PTPRD: variants seen among roughly 807,000 people sequenced by gnomAD.
PTPRD encodes the protein receptor-type tyrosine-protein phosphatase delta.
In PTPRD, 34 loss-of-function variants were observed where a neutral mutation model predicts 214.5. The ratio of observed to expected loss-of-function variants is 0.16; its 90% CI spans 0.12 to 0.21. The LOEUF (loss-of-function observed/expected upper bound fraction) is 0.21. Among genes scored for constraint, PTPRD ranks in the 10% least tolerant of loss-of-function variants. The pLI, the probability that PTPRD is intolerant of heterozygous loss-of-function variation, is 1.00. For synonymous variants in PTPRD, 1,128 were observed against 845.7 expected (o/e 1.33, Z -5.79); for missense variants, 2,545 against 2,398.7 (o/e 1.06, Z -1.27).
intron 8 of PTPRD, among the ~76,000 whole-genome samples, chr9:9,561,237 C>T (rs376219208): frequency 6.6e-6 from 1 of 152,158 alleles, no homozygotes; most frequent in African/African-American, 2.4e-5. Flanking sequence ...CTACCCCTGA[C>T]TAAAGCACAG....
intron 35 of PTPRD, among the ~76,000 whole-genome samples, chr9:8,420,544 G>A (rs2094282110): frequency 6.6e-6 from 1 of 152,130 alleles, no homozygotes; most frequent in Admixed American, 6.5e-5. Context: ...ACAATTGGTT[G>A]CTGTGGGAAT....
chr9:9,893,193 T>C (rs2073953034), intron 5 of PTPRD, among the ~76,000 whole-genome samples: 1 of 152,034 alleles, frequency 6.6e-6, no homozygotes, highest in South Asian at 2.1e-4. Flanking sequence ...CACAGACTAG[T>C]GACACTACAA....
chr9:9,046,054 T>C (rs1053249948), intron 10 of PTPRD, among the ~76,000 whole-genome samples: 81 of 152,172 alleles, frequency 5.3e-4, no homozygotes, highest in African/African-American at 1.9e-3. Flanking sequence ...GACAAAGATA[T>C]AATTATCTTA....
intron 9 of PTPRD, among the ~76,000 whole-genome samples, chr9:9,394,964 A>G (rs949933599): frequency 6.6e-6 from 1 of 152,104 alleles, no homozygotes; most frequent in Non-Finnish European, 1.5e-5. Context: ...TTAATAATGC[A>G]TGTTCAGGTA....
rs72702363 is a variant in PTPRD at position 8,807,599 on chromosome 9, T to A, written c.-103-73653A>T. 7.0e-3 allele frequency among the ~76,000 whole-genome samples: 908 copies of A among 129,680 alleles called. 5 individuals carry two copies. The highest frequency in any genetic ancestry group is 0.025 in the African/African-American group (850 of 33,418). The allele number at this position is 129,680 out of a possible 152,430, so 85.1% of individuals were successfully genotyped here. ...GAATGGTTAAAGAACTTTGAATAGC[T>A]TTTTTTTTTTTTTTAAGGATTTTGC... On this transcript the variant is annotated intron_variant, in intron 11 of 45. Coordinates refer to ENST00000381196, the MANE Select transcript of PTPRD (RefSeq NM_002839.4).
chr9:9,345,787 C>T lies in PTPRD; in HGVS notation c.-203+51662G>A, dbSNP rs117028395. On this transcript the variant is annotated intron_variant, in intron 9 of 45. Coordinates refer to ENST00000381196, the MANE Select transcript of PTPRD (RefSeq NM_002839.4). ...AAAATGGGAACAATAATGATATCAA[C>T]TTCAGAAGGTTATTACAATGATTAG... Among the ~76,000 whole-genome samples, 1,303 of 152,184 alleles carry T rather than the reference C, an allele frequency of 8.6e-3. 8 individuals carry two copies. The highest frequency in any genetic ancestry group is 0.016 in the Admixed American group (245 of 15,270).
intron 2 of PTPRD, among the ~76,000 whole-genome samples, chr9:10,343,978 GTT>G (rs139613939): frequency 2.5e-3 from 80 of 31,634 alleles, no homozygotes; most frequent in African/African-American, 0.01. Context: ...TCTGATGGTA[GTT>G]TTTTTTTTTT....
At chr9:10,517,176 G>A (rs992917126) in intron 2 of PTPRD, among the ~76,000 whole-genome samples, 23 of 152,010 alleles carry the variant, frequency 1.5e-4, no homozygotes, top group African/African-American at 4.6e-4. Flanking sequence ...CATGTAAACA[G>A]TATCCAGTAT....
At chr9:8,709,526 A>AAAAAAG (rs1005312749) in intron 12 of PTPRD, among the ~76,000 whole-genome samples, 15 of 150,708 alleles carry the variant, frequency 1.0e-4, no homozygotes, top group East Asian at 2.0e-4. Context: ...AAAAAAAAAA[A>AAAAAAG]AAAAAGAAAA....
chr9:9,754,796 T>C (rs1426913835), intron 6 of PTPRD, among the ~76,000 whole-genome samples: 1 of 152,076 alleles, frequency 6.6e-6, no homozygotes, highest in Admixed American at 6.6e-5. Context: ...GGACAGCCTA[T>C]GTGATTGGTA....
chr9:9,957,109 C>A, intron 4 of PTPRD, among the ~76,000 whole-genome samples: 1 of 152,118 alleles, frequency 6.6e-6, no homozygotes, highest in East Asian at 1.9e-4. Flanking sequence ...TGAGAAAAAG[C>A]ATGCCCACTG....
At chr9:8,946,973 T>A (rs2099068735) in intron 11 of PTPRD, among the ~76,000 whole-genome samples, 1 of 150,906 alleles carries the variant, frequency 6.6e-6, no homozygotes, top group South Asian at 2.1e-4. Context: ...TCTGCCTATC[T>A]TTTTTTTTCT....
intron 22 of PTPRD, among the ~76,000 whole-genome samples, chr9:8,506,846 C>T (rs1487075163): frequency 6.6e-6 from 1 of 152,150 alleles, no homozygotes; most frequent in African/African-American, 2.4e-5. Context: ...CAAACATTTG[C>T]TATTGGGGAA....
rs774961502 is a variant in PTPRD, at chr9:8,389,346, G to C, written c.4272C>G (p.Ala1424=). The part of the protein sequence containing the change: ...NYIDGYRKQN[A]YIATQGSLPE... ...GGAGAGATCCCTGTGTTGCAATATAGGCATTTTGCTTCCTATACCCATCTA... is the reference window on the plus strand; with the variant it reads ...GGAGAGATCCCTGTGTTGCAATATACGCATTTTGCTTCCTATACCCATCTA... The change falls in exon 37 of 46, where the codon GCC becomes GCG. Residue 1424 remains alanine (A), a synonymous_variant. Transcript: ENST00000381196. The C allele has an allele frequency of 6.2e-7, 1 of 1,612,914 alleles. No individual in the cohort carries two copies. Among genetic ancestry groups the C allele is most frequent in the Non-Finnish European group, 8.5e-7 (1 of 1,179,302 alleles).
intron 3 of PTPRD, among the ~76,000 whole-genome samples, chr9:10,045,403 G>C (rs917127533): frequency 6.6e-6 from 1 of 151,590 alleles, no homozygotes; most frequent in African/African-American, 2.4e-5. Flanking sequence ...AGTGGCTACC[G>C]TATTTTCTAT....
chr9:10,097,978 C>A (rs2098509434), intron 3 of PTPRD, among the ~76,000 whole-genome samples: 2 of 151,800 alleles, frequency 1.3e-5, no homozygotes, highest in African/African-American at 2.4e-5. Context: ...TTTGACCCAG[C>A]CATCCCATTA....
intron 11 of PTPRD, among the ~76,000 whole-genome samples, chr9:8,874,302 C>A (rs552343919): frequency 2.3e-4 from 35 of 152,280 alleles, no homozygotes; most frequent in Admixed American, 9.8e-4. Flanking sequence ...CCAAGATAGA[C>A]CAGGACATTC....
At chr9:8,374,764 T>C (rs2082720407) in intron 39 of PTPRD, among the ~76,000 whole-genome samples, 1 of 152,034 alleles carries the variant, frequency 6.6e-6, no homozygotes, top group Non-Finnish European at 1.5e-5. Flanking sequence ...AGTTTTTATC[T>C]AGGAAAACAT....
At chr9:8,762,536 C>A (rs948150814) in intron 11 of PTPRD, among the ~76,000 whole-genome samples, 15 of 152,220 alleles carry the variant, frequency 9.9e-5, no homozygotes, top group African/African-American at 3.6e-4. Context: ...TCTAACACTT[C>A]TCTCTGGCAC....
Sources: gnomAD v4.1 joint callset for allele counts (sites outside exome capture counted in the v4.1 genomes callset) on GRCh38, gnomAD v4.1.1 for gene constraint, MANE v1.5 for transcripts, NCBI Gene and HGNC (gene_info 2026-07-23, HGNC 2026-07-21) for gene names.